Variants in C6 observed in about 807,000 individuals in gnomAD.
C6 encodes the protein complement C6.
Under a neutral mutation model 112.9 loss-of-function variants are expected in C6, and 101 were observed. The ratio of observed to expected loss-of-function variants is 0.89; its 90% CI spans 0.76 to 1.06. The LOEUF (loss-of-function observed/expected upper bound fraction) is 1.06. Among genes scored for constraint, C6 ranks in the 50% least tolerant of loss-of-function variants. The pLI, the probability that C6 is intolerant of heterozygous loss-of-function variation, is 0.00. For missense variants in C6, 1,202 were observed against 1,104.6 expected, an observed-to-expected ratio of 1.09 and a Z score of -1.25; for synonymous variants, 431 against 384.1, an observed-to-expected ratio of 1.12 and a Z score of -1.43.
At chr5:41,172,702 C>T (rs2150302981) in intron 8 of C6, 1 of 380,670 alleles carries the variant, frequency 2.6e-6, no homozygotes, top group South Asian at 2.3e-5. Context: ...TAAGCTCTCC[C>T]TTTCTATTGG....
intron 1 of C6, among the ~76,000 whole-genome samples, chr5:41,208,220 A>G (rs1442447941): frequency 6.6e-6 from 1 of 152,242 alleles, no homozygotes; most frequent in Non-Finnish European, 1.5e-5. Flanking sequence ...CATTTAAAGC[A>G]GTGTGTAGAG....
At chr5:41,186,857 G>C (rs1453185842) in intron 5 of C6, among the ~76,000 whole-genome samples, 1 of 151,960 alleles carries the variant, frequency 6.6e-6, no homozygotes, top group Non-Finnish European at 1.5e-5. Flanking sequence ...GGACATTGAG[G>C]CACATAGAGA....
At chr5:41,217,600 G>A (rs761259121), upstream of C6, among the ~76,000 whole-genome samples, 6 of 152,094 alleles carry the variant, frequency 3.9e-5, no homozygotes, top group Admixed American at 2.6e-4. Context: ...GTTGAACAAT[G>A]CATAATGATG....
chr5:41,258,626 A>G (rs1228390284), intron 1 of C6, among the ~76,000 whole-genome samples: 2 of 152,196 alleles, frequency 1.3e-5, no homozygotes, highest in Non-Finnish European at 1.5e-5. Context: ...GACCTGTTGA[A>G]TGAAAGTAAC....
chr5:41,223,304 G>T (rs1174602780), intron 1 of C6, among the ~76,000 whole-genome samples: 1 of 152,172 alleles, frequency 6.6e-6, no homozygotes, highest in Non-Finnish European at 1.5e-5. Flanking sequence ...GGACTAGATG[G>T]TTGAATAAAT....
chr5:41,260,084 A>G (rs752697269), intron 1 of C6, among the ~76,000 whole-genome samples: 15 of 152,220 alleles, frequency 9.9e-5, no homozygotes, highest in Non-Finnish European at 1.8e-4. Flanking sequence ...TTTCTAGGTT[A>G]TTCATGAGTT....
intron 6 of C6, 23 bp from the exon 7 acceptor site, chr5:41,181,582 TA>T: frequency 6.3e-7 from 1 of 1,582,874 alleles, no homozygotes; most frequent in Non-Finnish European, 8.7e-7. Flanking sequence ...CCATGTAAAA[TA>T]AAATATAATT....
Position 41,186,110 on chromosome 5 carries a change from G to A in C6, c.686C>T (p.Pro229Leu), listed in dbSNP as rs774309142. 1 of 1,613,938 alleles carries A rather than the reference G, an allele frequency of 6.2e-7. No individual in the cohort carries two copies. Among genetic ancestry groups the A allele is most frequent in the Admixed American group, 1.7e-5 (1 of 59,968 alleles). ...KTVKSSRTSNPYRVPANLENV... is the reference protein window; with the variant it reads ...KTVKSSRTSNLYRVPANLENV... The stretch of plus-strand genomic sequence containing the variant: ...TTCCAGATTGGCCGGAACACGGTAT[G>A]GATTACTTGTCCTACTGCTTTTGAC... Residue 229 changes from proline (P) to leucine (L), a missense_variant, in exon 6 of 18, where the codon CCA becomes CTA. Coordinates refer to ENST00000337836, the MANE Select transcript of C6 (RefSeq NM_000065.5).
In C6 at chr5:41,203,179, T is replaced by G; in HGVS notation, c.52A>C (p.Lys18Gln). ...TGATCACAGAAGCAGGCTTGGCCCT[T>G]GTTGATCAGAGCATTCAGCAGGATG... The part of the protein sequence containing the change: ...YFILLNALIN[K>Q]GQACFCDHYA... Residue 18 changes from lysine to glutamine, a missense_variant, in exon 2 of 18, where the codon AAG becomes CAG. Transcript: ENST00000337836. The G allele has an allele frequency of 6.2e-7, 1 of 1,614,090 alleles. No homozygotes were observed. The highest frequency in any genetic ancestry group is 8.5e-7 in the Non-Finnish European group (1 of 1,179,972).
intron 9 of C6, among the ~76,000 whole-genome samples, chr5:41,163,302 T>A (rs1747693085): frequency 1.3e-5 from 2 of 150,196 alleles, no homozygotes; most frequent in Non-Finnish European, 3.0e-5. Flanking sequence ...TATGTATTTA[T>A]CAATGAACTT....
upstream of C6, among the ~76,000 whole-genome samples, chr5:41,217,540 A>G (rs748908264): frequency 2.0e-5 from 3 of 152,150 alleles, no homozygotes; most frequent in Non-Finnish European, 4.4e-5. Flanking sequence ...ACAATCTTTC[A>G]TATAGCAAAA....
chr5:41,200,479 G>T (rs901747305), intron 3 of C6, among the ~76,000 whole-genome samples: 2 of 152,132 alleles, frequency 1.3e-5, no homozygotes, highest in East Asian at 1.9e-4. Flanking sequence ...TAATTAATGG[G>T]TGTATTCTTG....
intron 15 of C6, among the ~76,000 whole-genome samples, chr5:41,150,552 G>A (rs1476047707): frequency 6.6e-6 from 1 of 152,130 alleles, no homozygotes; most frequent in Non-Finnish European, 1.5e-5. Flanking sequence ...AGAAAGGTGA[G>A]GCTGTTCAAT....
intron 1 of C6, among the ~76,000 whole-genome samples, chr5:41,258,349 T>C (rs1295237762): frequency 5.3e-5 from 8 of 152,064 alleles, no homozygotes; most frequent in Admixed American, 3.9e-4. Context: ...TTTGTTTTTA[T>C]TTTTGGCTGA....
chr5:41,164,254 G>A (rs998902855), intron 9 of C6, among the ~76,000 whole-genome samples: 11 of 152,174 alleles, frequency 7.2e-5, no homozygotes, highest in Non-Finnish European at 4.4e-5. Flanking sequence ...AAATAATTCT[G>A]TCATCTTTGG....
chr5:41,142,958 C>A lies in C6; in HGVS notation c.2672G>T (p.Gly891Val), dbSNP rs147238267. 308 of 1,613,486 alleles carry A rather than the reference C, an allele frequency of 1.9e-4. No individual in the cohort carries two copies. Among genetic ancestry groups the A allele is most frequent in the Non-Finnish European group, 2.5e-4 (299 of 1,179,788 alleles). ...TTTGACACAGTAGAGTTGGTTTCCA[C>A]CCTTGAAGCACTGTGGGGGCAATAG... ...VCLLPPQCFK[G>V]GNQLYCVKMG... Residue 891 changes from glycine to valine, a missense_variant, in exon 18 of 18, where the codon GGT becomes GTT. Transcript: ENST00000337836.
At chr5:41,224,526 C>A (rs1029552722) in intron 1 of C6, among the ~76,000 whole-genome samples, 8 of 151,858 alleles carry the variant, frequency 5.3e-5, no homozygotes, top group Admixed American at 2.0e-4. Flanking sequence ...GAGACTGATT[C>A]TTTGACTAAG....
intron 1 of C6, among the ~76,000 whole-genome samples, chr5:41,229,616 C>T (rs73074065): frequency 0.025 from 3,851 of 152,018 alleles, 160 homozygotes; most frequent in African/African-American, 0.088. Flanking sequence ...TTCTCAGTAA[C>T]GTTCAGTGTG....
At chr5:41,236,074 T>G (rs1335398236) in intron 1 of C6, among the ~76,000 whole-genome samples, 1 of 59,886 alleles carries the variant, frequency 1.7e-5, no homozygotes, top group Non-Finnish European at 3.1e-5. Flanking sequence ...AGAAGCTCTT[T>G]AGTTTAATTA....
Sources: allele counts gnomAD v4.1 joint callset (sites outside exome capture counted in the v4.1 genomes callset), GRCh38; gene constraint gnomAD v4.1.1; transcripts MANE v1.5; gene names NCBI Gene and HGNC (gene_info 2026-07-23, HGNC 2026-07-21).